Variants in MEI4 observed in about 807,000 individuals in gnomAD.
MEI4 encodes the protein meiosis-specific protein MEI4.
MEI4 carries 27 observed loss-of-function variants against 31.4 expected under a neutral mutation model. The observed-to-expected ratio is 0.86, with a 90% CI of 0.63 to 1.19. The LOEUF is 1.19. MEI4 is among the 50% of genes most tolerant of loss of function. MEI4 has a pLI of 0.00. For synonymous variants in MEI4, 122 were observed against 145.4 expected (o/e 0.84, Z 1.16); for missense variants, 329 against 398.9 (o/e 0.82, Z 1.49).
intron 3 of MEI4, among the ~76,000 whole-genome samples, chr6:77,791,590 G>T (rs1195693696): frequency 6.7e-6 from 1 of 148,506 alleles, no homozygotes; most frequent in Non-Finnish European, 1.5e-5. Context: ...TAGATGACGA[G>T]TTAGTGGGTG....
intron 2 of MEI4, among the ~76,000 whole-genome samples, chr6:77,702,582 G>T (rs887869503): frequency 6.6e-6 from 1 of 151,982 alleles, no homozygotes; most frequent in Non-Finnish European, 1.5e-5. Context: ...CCATTTCCTT[G>T]GTCATACTTA....
chr6:77,864,643 A>G (rs924229991), intron 4 of MEI4, among the ~76,000 whole-genome samples: 8 of 152,134 alleles, frequency 5.3e-5, no homozygotes, highest in South Asian at 2.1e-4. Context: ...GAGACTTTAA[A>G]ACCCCACTGT....
chr6:77,862,042 T>C (rs1412635777), intron 4 of MEI4, among the ~76,000 whole-genome samples: 1 of 148,110 alleles, frequency 6.8e-6, no homozygotes, highest in Admixed American at 6.9e-5. Flanking sequence ...TCAAAAGCCT[T>C]GGTAGATCCA....
chr6:77,859,649 G>T (rs566229799), intron 4 of MEI4, among the ~76,000 whole-genome samples: 3 of 152,048 alleles, frequency 2.0e-5, no homozygotes, highest in East Asian at 3.9e-4. Context: ...ATGTTTTTTG[G>T]CCGCATAAAT....
intron 3 of MEI4, among the ~76,000 whole-genome samples, chr6:77,772,557 A>G (rs2127687078): frequency 6.6e-6 from 1 of 152,146 alleles, no homozygotes; most frequent in Non-Finnish European, 1.5e-5. Context: ...ATATATTAAT[A>G]GAAGTAATAT....
chr6:77,731,970 C>G (rs1767009709), intron 2 of MEI4, among the ~76,000 whole-genome samples: 2 of 147,750 alleles, frequency 1.4e-5, no homozygotes, highest in South Asian at 4.2e-4. Context: ...GGGCTCTGTT[C>G]TGTTCCATTG....
At chr6:77,770,090 G>A (rs1228370314) in intron 3 of MEI4, among the ~76,000 whole-genome samples, 2 of 151,962 alleles carry the variant, frequency 1.3e-5, no homozygotes, top group Non-Finnish European at 2.9e-5. Context: ...TAGACTAAGA[G>A]TAAAGAGAGA....
At chr6:77,882,829 G>A (rs1471563875) in intron 4 of MEI4, among the ~76,000 whole-genome samples, 2 of 152,056 alleles carry the variant, frequency 1.3e-5, no homozygotes, top group Non-Finnish European at 2.9e-5. Flanking sequence ...ATATTGGGAC[G>A]TTAATTTGAA....
intron 2 of MEI4, among the ~76,000 whole-genome samples, chr6:77,692,351 C>G (rs1183266618): frequency 6.6e-6 from 1 of 151,962 alleles, no homozygotes; most frequent in African/African-American, 2.4e-5. Flanking sequence ...TGAACTTGAG[C>G]TTATGTTCAC....
intron 4 of MEI4, among the ~76,000 whole-genome samples, chr6:77,902,897 C>T (rs944662616): frequency 2.6e-5 from 4 of 152,110 alleles, no homozygotes; most frequent in South Asian, 2.1e-4. Flanking sequence ...CTGACCACCT[C>T]GGGCACATGT....
chr6:77,823,556 GT>G (rs1446494944), intron 3 of MEI4, among the ~76,000 whole-genome samples: 1 of 152,170 alleles, frequency 6.6e-6, no homozygotes, highest in Non-Finnish European at 1.5e-5. Context: ...ACTGCTAGAT[GT>G]TTTGGTTATT....
intron 4 of MEI4, among the ~76,000 whole-genome samples, chr6:77,871,323 A>C (rs1360695501): frequency 6.6e-6 from 1 of 152,240 alleles, no homozygotes; most frequent in Admixed American, 6.5e-5. Flanking sequence ...CTACCTAAAA[A>C]AGATATTTGA....
intron 1 of MEI4, among the ~76,000 whole-genome samples, chr6:77,657,258 GAAAC>G (rs1362611611): frequency 6.6e-6 from 1 of 152,138 alleles, no homozygotes; most frequent in Non-Finnish European, 1.5e-5. Flanking sequence ...AGTAAAGAAA[GAAAC>G]AACTTCAGAG....
chr6:77,801,043 A>G (rs940027349), intron 3 of MEI4, among the ~76,000 whole-genome samples: 21 of 152,104 alleles, frequency 1.4e-4, no homozygotes, highest in Non-Finnish European at 4.4e-5. Context: ...TTTTCTATTG[A>G]TTGGAATAAT....
At chr6:77,677,428 A>C (rs773591011) in intron 1 of MEI4, among the ~76,000 whole-genome samples, 4 of 152,114 alleles carry the variant, frequency 2.6e-5, no homozygotes, top group Non-Finnish European at 5.9e-5. Flanking sequence ...CCGTCTAGAT[A>C]GTTGTGCAAG....
intron 2 of MEI4, among the ~76,000 whole-genome samples, chr6:77,746,338 C>T (rs959902864): frequency 5.3e-5 from 8 of 152,078 alleles, no homozygotes; most frequent in African/African-American, 1.4e-4. Flanking sequence ...AGCAGATTAC[C>T]TCCGAAATGT....
chr6:77,761,596 T>C lies in MEI4; in HGVS notation c.699T>C (p.Cys233=). The change falls in exon 3 of 5, where the codon TGT becomes TGC. Residue 233 remains cysteine, a synonymous_variant. Transcript: ENST00000684080. The part of the protein sequence containing the change: ...YNLSSHILKK[C]SKKLEEFEKT... ...TATCTAGTCATATTCTTAAAAAGTG[T>C]TCCAAGAAGTTGGAAGAATTTGAGA... 4.1e-6 allele frequency: 5 copies of C among 1,231,980 alleles called. No individual in the cohort carries two copies. In the East Asian group the frequency reaches 1.3e-4, roughly 31 times the overall value. The allele number at this position is 1,231,980 out of a possible 1,614,324, so 76.3% of individuals were successfully genotyped here.
intron 2 of MEI4, among the ~76,000 whole-genome samples, chr6:77,697,839 A>T (rs1562210415): frequency 2.0e-5 from 3 of 152,038 alleles, no homozygotes; most frequent in Non-Finnish European, 4.4e-5. Flanking sequence ...TTTCTGTCTC[A>T]TGATCTGTCT....
At chr6:77,728,545 C>T (rs183227952) in intron 2 of MEI4, among the ~76,000 whole-genome samples, 3 of 152,220 alleles carry the variant, frequency 2.0e-5, no homozygotes, top group East Asian at 3.9e-4. Flanking sequence ...AAAAGTAAAC[C>T]TGTAAGCAAG....
Sources: allele counts gnomAD v4.1 joint callset (sites outside exome capture counted in the v4.1 genomes callset), GRCh38; gene constraint gnomAD v4.1.1; transcripts MANE v1.5; gene names NCBI Gene and HGNC (gene_info 2026-07-23, HGNC 2026-07-21).